Variants in SHPK observed in about 807,000 individuals in gnomAD.
The protein encoded by SHPK is sedoheptulokinase, also known as carbohydrate kinase-like protein.
In SHPK, 51 loss-of-function variants were observed where a neutral mutation model predicts 46.3. The ratio of observed to expected loss-of-function variants is 1.10; its 90% CI spans 0.88 to 1.39. The LOEUF (loss-of-function observed/expected upper bound fraction) is 1.39, where lower values mean the gene tolerates loss of function less well. Among genes scored for constraint, SHPK ranks in the 40% most tolerant of loss-of-function variants. The pLI, the probability that SHPK is intolerant of heterozygous loss-of-function variation, is 0.00. For synonymous variants in SHPK, 290 were observed against 273.9 expected, an observed-to-expected ratio of 1.06 and a Z score of -0.58; for missense variants, 668 against 641.3, an observed-to-expected ratio of 1.04 and a Z score of -0.45.
At chr17:3,623,200 CA>C in intron 4 of SHPK, 138 bp downstream of exon 4, 1 of 922,450 alleles carries the variant, frequency 1.1e-6, no homozygotes, top group East Asian at 2.5e-5. Context: ...TGGGACAGGC[CA>C]GGGGCACTGG....
At chr17:3,633,797 A>G (rs960258251) in intron 1 of SHPK, among the ~76,000 whole-genome samples, 7 of 152,136 alleles carry the variant, frequency 4.6e-5, no homozygotes, top group African/African-American at 1.7e-4. Context: ...ATGGGCCATG[A>G]TGACAATGGC....
chr17:3,625,824 G>A (rs2075431318), intron 2 of SHPK, among the ~76,000 whole-genome samples: 1 of 152,212 alleles, frequency 6.6e-6, no homozygotes. Flanking sequence ...AGGCCAAGGT[G>A]GGCGGATCAC....
chr17:3,615,205 T>C (rs1392770120), intron 6 of SHPK, 132 bp downstream of exon 6: 1 of 791,516 alleles, frequency 1.3e-6, no homozygotes, highest in Non-Finnish European at 2.1e-6. Context: ...GGGAGAAATA[T>C]GCCAGGACCT....
At chr17:3,626,098 C>G (rs1286216823) in intron 2 of SHPK, among the ~76,000 whole-genome samples, 1 of 152,098 alleles carries the variant, frequency 6.6e-6, no homozygotes, top group Non-Finnish European at 1.5e-5. Context: ...TGTCTTTTCA[C>G]ACAGAATGCT....
chr17:3,614,482 A>T (rs559807542), intron 6 of SHPK, among the ~76,000 whole-genome samples: 14 of 146,040 alleles, frequency 9.6e-5, no homozygotes, highest in South Asian at 6.6e-4. Context: ...CCGAGATCGC[A>T]CTACTGCACT....
At chr17:3,635,985 C>A in intron 1 of SHPK, 67 bp downstream of exon 1, 2 of 1,447,788 alleles carry the variant, frequency 1.4e-6, no homozygotes, top group Admixed American at 2.6e-5. Context: ...TCAGGGAGGC[C>A]TCCTGGGGTG....
Position 3,636,181 on chromosome 17 carries a change from G to T in SHPK, c.39C>A (p.Gly13=). 1 of 1,611,496 alleles carries T rather than the reference G, an allele frequency of 6.2e-7. No homozygotes were observed. Among genetic ancestry groups the T allele is most frequent in the Non-Finnish European group, 8.5e-7 (1 of 1,178,510 alleles). The change falls in exon 1 of 7, where the codon GGC becomes GGA. Residue 13 remains glycine (G), a synonymous_variant. Transcript: ENST00000225519. ...GCAGAGCTGCCTTCACAGATGTGGT[G>T]CCCAGGTCAATGCCGAGGGTGATCG... ...ARPITLGIDL[G]TTSVKAALLR...
rs192018379 is a variant in SHPK, at chr17:3,610,376, G to T, written c.*184C>A. 40 of 619,772 alleles carry T rather than the reference G, an allele frequency of 6.5e-5. 1 individual carries two copies. The East Asian group carries it at 1.1e-3, about 17-fold the overall frequency. The allele number at this position is 619,772 out of a possible 1,614,324, so 38.4% of individuals were successfully genotyped here. On this transcript the variant is annotated 3_prime_UTR_variant, in exon 7 of 7. Transcript: ENST00000225519. The stretch of plus-strand genomic sequence containing the variant: ...GGCACTCATTTGGGATCTGGCTGAC[G>T]GCTCCTGGCTGCATTATTAGAGTAT...
intron 2 of SHPK, among the ~76,000 whole-genome samples, chr17:3,628,971 G>A (rs1342077297): frequency 6.6e-6 from 1 of 152,012 alleles, no homozygotes; most frequent in Non-Finnish European, 1.5e-5. Context: ...TTTTTTTAAT[G>A]CCTTCCATAA....
chr17:3,627,394 C>T (rs1318366921), intron 2 of SHPK, among the ~76,000 whole-genome samples: 4 of 152,148 alleles, frequency 2.6e-5, no homozygotes, highest in Non-Finnish European at 5.9e-5. Context: ...TAGCTCTCTG[C>T]TCAAGTTACT....
intron 2 of SHPK, 107 bp downstream of exon 2, chr17:3,630,098 T>C: frequency 7.2e-7 from 1 of 1,385,714 alleles, no homozygotes; most frequent in Non-Finnish European, 1.0e-6. Context: ...CAAGACCCTA[T>C]TCCCACTGCA....
intron 1 of SHPK, among the ~76,000 whole-genome samples, 162 bp from the exon 2 acceptor site, chr17:3,630,508 G>A (rs571770825): frequency 5.3e-5 from 8 of 152,326 alleles, no homozygotes; most frequent in African/African-American, 1.9e-4. Flanking sequence ...AACTGCCTGG[G>A]CCTGCCCTCC....
intron 5 of SHPK, chr17:3,619,792 A>G (rs2075389461): frequency 2.2e-6 from 1 of 451,914 alleles, no homozygotes; most frequent in Non-Finnish European, 4.3e-6. Context: ...TCTCTCACTT[A>G]ATTCTGACCA....
At chr17:3,611,798 G>GTTTTTTTTTTTTTTTTTTTTT (rs570066157) in intron 6 of SHPK, among the ~76,000 whole-genome samples, 1 of 92,124 alleles carries the variant, frequency 1.1e-5, no homozygotes, top group African/African-American at 4.6e-5. Flanking sequence ...AGCTCTGCGG[G>GTTTTTTTTTTTTTTTTTTTTT]TTTTTTTTTT....
intron 6 of SHPK, among the ~76,000 whole-genome samples, chr17:3,613,463 G>T (rs548046903): frequency 6.6e-6 from 1 of 152,032 alleles, no homozygotes; most frequent in Non-Finnish European, 1.5e-5. Context: ...CTGCATCTCG[G>T]GTTCAAGTGA....
intron 5 of SHPK, among the ~76,000 whole-genome samples, chr17:3,620,070 G>A (rs954267739): frequency 4.6e-5 from 7 of 152,054 alleles, no homozygotes; most frequent in Non-Finnish European, 7.4e-5. Flanking sequence ...TTTACATATC[G>A]TCTATGGCTG....
intron 1 of SHPK, among the ~76,000 whole-genome samples, chr17:3,635,198 G>GAAGGAAGAAAGGAAGC (rs879889476): frequency 9.4e-6 from 1 of 106,206 alleles, no homozygotes; most frequent in Non-Finnish European, 2.0e-5. Flanking sequence ...AAGAATGAAG[G>GAAGGAAGAAAGGAAGC]AAGGAAGGAA....
intron 2 of SHPK, among the ~76,000 whole-genome samples, chr17:3,626,323 T>C (rs962103476): frequency 3.9e-5 from 6 of 152,162 alleles, no homozygotes; most frequent in Non-Finnish European, 8.8e-5. Flanking sequence ...AGGAAATTTT[T>C]CTCCATTATT....
chr17:3,613,268 A>G (rs1038567591), intron 6 of SHPK, among the ~76,000 whole-genome samples: 2 of 152,190 alleles, frequency 1.3e-5, no homozygotes, highest in African/African-American at 4.8e-5. Flanking sequence ...CCCAGGTCCA[A>G]TAAATCAGCA....
Sources: gnomAD v4.1 joint callset for allele counts (sites outside exome capture counted in the v4.1 genomes callset) on GRCh38, gnomAD v4.1.1 for gene constraint, MANE v1.5 for transcripts, NCBI Gene and HGNC (gene_info 2026-07-23, HGNC 2026-07-21) for gene names.